PRPSAP2: variants seen among roughly 807,000 people sequenced by gnomAD.
PRPSAP2 encodes phosphoribosyl pyrophosphate synthase-associated protein 2.
PRPSAP2 carries 24 observed loss-of-function variants against 40.6 expected under a neutral mutation model. The ratio of observed to expected loss-of-function variants is 0.59; its 90% confidence interval spans 0.43 to 0.83. The LOEUF is 0.83. PRPSAP2 is among the 40% of genes least tolerant of loss of function. The pLI, the probability that PRPSAP2 is intolerant of heterozygous loss-of-function variation, is 0.00. For missense variants in PRPSAP2, 292 were observed against 465.6 expected (o/e 0.63, Z 3.43); for synonymous variants, 149 against 164.7 (o/e 0.90, Z 0.73).
intron 7 of PRPSAP2, among the ~76,000 whole-genome samples, chr17:18,885,397 T>A (rs62075124): frequency 1 from 114,630 of 115,068 alleles, 57,096 homozygotes; most frequent in Middle Eastern, 1. Context: ...GTGAGATTCC[T>A]TCTCACAAAA....
chr17:18,912,896 C>G (rs1353307989), intron 9 of PRPSAP2, among the ~76,000 whole-genome samples: 1 of 152,194 alleles, frequency 6.6e-6, no homozygotes, highest in East Asian at 1.9e-4. Context: ...GTCTAAAACC[C>G]AACCAGACAA....
In PRPSAP2 at chr17:18,930,666, T is replaced by C. The variant is rs1362387147; in HGVS notation, c.1078T>C (p.Tyr360His). 2.5e-6 allele frequency: 4 copies of C among 1,613,418 alleles called. No individual in the cohort carries two copies. Among genetic ancestry groups the C allele is most frequent in the Non-Finnish European group, 2.5e-6 (3 of 1,179,652 alleles). The stretch of plus-strand genomic sequence containing the variant: ...GATCCACAATGGGGAGTCCATGTCC[T>C]ACCTTTTCAGAAACATAGGCTTAGA... ...RRIHNGESMS[Y>H]LFRNIGLDD The change falls in exon 12 of 12, where the codon TAC (tyrosine) becomes CAC (histidine). Residue 360 changes from tyrosine to histidine, a missense_variant. Tyr to His is a moderately conservative substitution (Grantham distance 83). This residue lies in a region of PRPSAP2 where 241 missense variants were observed against 425.7 expected (regional missense o/e 0.57). Coordinates refer to ENST00000268835, the MANE Select transcript of PRPSAP2 (RefSeq NM_002767.4).
chr17:18,863,701 C>G lies in PRPSAP2; in HGVS notation c.-128-1768C>G, dbSNP rs367546379. ...GCACCTGCCACCACGCCCGGCTAAT[C>G]TTTTGTATTTTTAGTGGAGACAGCG... On this transcript the variant is annotated intron_variant, in intron 1 of 11. Transcript: ENST00000268835. Among the ~76,000 whole-genome samples, 244 of 151,318 alleles carry G rather than the reference C, an allele frequency of 1.6e-3. 2 individuals are homozygous for G. Among genetic ancestry groups the G allele is most frequent in the African/African-American group, 5.7e-3 (233 of 41,228 alleles).
At chr17:18,897,452 G>GTT (rs879393185) in intron 8 of PRPSAP2, among the ~76,000 whole-genome samples, 51,555 of 149,402 alleles carry the variant, frequency 0.35, 8,984 homozygotes, top group Non-Finnish European at 0.39. Flanking sequence ...TCTCTATAGT[G>GTT]GTGTTGTTGT....
At chr17:18,868,017 T>G (rs986608726) in intron 4 of PRPSAP2, among the ~76,000 whole-genome samples, 1 of 151,882 alleles carries the variant, frequency 6.6e-6, no homozygotes, top group Non-Finnish European at 1.5e-5. Context: ...GCACTTGTAG[T>G]CCCAGCTACT....
chr17:18,909,240 C>CTTTTTTTTTTTTTTTTTT (rs71155371), intron 8 of PRPSAP2, among the ~76,000 whole-genome samples: 1 of 95,996 alleles, frequency 1.0e-5, no homozygotes. Context: ...ACAGTGTGGC[C>CTTTTTTTTTTTTTTTTTT]TTTTTTTTTT....
chr17:18,926,088 ACT>A (rs2041953694), intron 10 of PRPSAP2, among the ~76,000 whole-genome samples: 1 of 150,622 alleles, frequency 6.6e-6, no homozygotes, highest in Non-Finnish European at 1.5e-5. Context: ...ACTGAGCAAG[ACT>A]CTGTCTCAAA....
chr17:18,892,748 T>TA (rs71155367), intron 8 of PRPSAP2, among the ~76,000 whole-genome samples: 2 of 149,526 alleles, frequency 1.3e-5, no homozygotes, highest in South Asian at 4.2e-4. Context: ...TTTATTTATT[T>TA]TTTTGAGACA....
chr17:18,899,692 C>T (rs909355080), intron 8 of PRPSAP2, among the ~76,000 whole-genome samples: 79 of 151,104 alleles, frequency 5.2e-4, no homozygotes, highest in African/African-American at 1.9e-3. Flanking sequence ...CCGTGTCTTG[C>T]GAATTTATTT....
intron 5 of PRPSAP2, among the ~76,000 whole-genome samples, chr17:18,875,521 C>T (rs1477701913): frequency 2.6e-5 from 4 of 151,336 alleles, no homozygotes; most frequent in African/African-American, 4.9e-5. Context: ...GCTGAGATCA[C>T]GCCACTGGAT....
chr17:18,899,065 C>T (rs1334557708), intron 8 of PRPSAP2, among the ~76,000 whole-genome samples: 1 of 152,064 alleles, frequency 6.6e-6, no homozygotes, highest in African/African-American at 2.4e-5. Context: ...CCACCACGCC[C>T]AGCTACTTTT....
At chr17:18,918,794 A>G (rs1043761722) in intron 9 of PRPSAP2, among the ~76,000 whole-genome samples, 3 of 152,190 alleles carry the variant, frequency 2.0e-5, no homozygotes, top group African/African-American at 7.2e-5. Flanking sequence ...GAGCAGTGGG[A>G]GTGTGAAGGA....
intron 9 of PRPSAP2, among the ~76,000 whole-genome samples, chr17:18,912,871 A>G (rs1451751592): frequency 1.3e-5 from 2 of 152,214 alleles, no homozygotes; most frequent in Admixed American, 1.3e-4. Context: ...GAAAGGAGTG[A>G]CAGGTCCTGA....
intron 9 of PRPSAP2, among the ~76,000 whole-genome samples, chr17:18,912,439 A>T (rs545055887): frequency 6.6e-6 from 1 of 152,246 alleles, no homozygotes; most frequent in African/African-American, 2.4e-5. Flanking sequence ...AGACCATAGC[A>T]TTTTGCCCCG....
At chr17:18,901,526 T>C (rs1423530684) in intron 8 of PRPSAP2, among the ~76,000 whole-genome samples, 3 of 152,008 alleles carry the variant, frequency 2.0e-5, no homozygotes, top group Non-Finnish European at 4.4e-5. Context: ...ACTACAGGCG[T>C]CTGCCACTAT....
At chr17:18,907,638 C>T (rs1426273853) in intron 8 of PRPSAP2, among the ~76,000 whole-genome samples, 1 of 151,978 alleles carries the variant, frequency 6.6e-6, no homozygotes, top group Non-Finnish European at 1.5e-5. Context: ...TTCTTGTGAG[C>T]CATAAAATAA....
intron 8 of PRPSAP2, among the ~76,000 whole-genome samples, chr17:18,907,576 A>G (rs1370980927): frequency 6.6e-6 from 1 of 152,226 alleles, no homozygotes; most frequent in Non-Finnish European, 1.5e-5. Context: ...CACACCATCC[A>G]GAGAGAGCAG....
At chr17:18,882,336 A>AC (rs1306635406) in intron 6 of PRPSAP2, among the ~76,000 whole-genome samples, 1 of 147,616 alleles carries the variant, frequency 6.8e-6, no homozygotes, top group Non-Finnish European at 1.5e-5. Flanking sequence ...ATATGATGAA[A>AC]CCCCTTCTCT....
intron 8 of PRPSAP2, among the ~76,000 whole-genome samples, chr17:18,892,253 C>T (rs1399201134): frequency 9.3e-5 from 14 of 150,804 alleles, no homozygotes; most frequent in African/African-American, 2.2e-4. Flanking sequence ...TTTTTTTTAC[C>T]GTTTGGCTAT....
Sources: gnomAD v4.1 joint callset for allele counts (sites outside exome capture counted in the v4.1 genomes callset) on GRCh38, gnomAD v4.1.1 for gene constraint, gnomAD v4.1.1 regional missense constraint, MANE v1.5 for transcripts, NCBI Gene and HGNC (gene_info 2026-07-23, HGNC 2026-07-21) for gene names.